The following ZMAT3 variants were observed in gnomAD, a reference collection of about 807,000 sequenced individuals.
ZMAT3 encodes the protein zinc finger matrin-type protein 3.
A neutral mutation model predicts 32.3 loss-of-function variants in ZMAT3; 17 were observed. That is an observed-to-expected ratio of 0.53 (90% CI 0.36 to 0.79). The LOEUF (loss-of-function observed/expected upper bound fraction) is 0.79, where lower values mean the gene tolerates loss of function less well. Among genes scored for constraint, ZMAT3 ranks in the 30% least tolerant of loss-of-function variants. The pLI is 0.00. For missense variants in ZMAT3, 329 were observed against 359.7 expected (o/e 0.91, Z 0.69); for synonymous variants, 120 against 133.1 (o/e 0.90, Z 0.68).
At chr3:179,029,484 G>A (rs1220017352) in intron 3 of ZMAT3, among the ~76,000 whole-genome samples, 3 of 151,170 alleles carry the variant, frequency 2.0e-5, no homozygotes, top group Non-Finnish European at 4.4e-5. Context: ...TTATTTTTTT[G>A]AGATAGTCTC....
At chr3:179,058,390 G>A (rs527515038) in intron 2 of ZMAT3, among the ~76,000 whole-genome samples, 18 of 152,318 alleles carry the variant, frequency 1.2e-4, no homozygotes, top group Non-Finnish European at 1.5e-4. Context: ...TATGCCACTC[G>A]AGGGGACCTT....
intron 5 of ZMAT3, among the ~76,000 whole-genome samples, chr3:179,026,762 T>G (rs1479400228): frequency 6.6e-6 from 1 of 152,178 alleles, no homozygotes; most frequent in Non-Finnish European, 1.5e-5. Context: ...TCTATTTGTT[T>G]CACTGTTCAA....
rs1035236991 is a variant in ZMAT3 at position 179,019,319 on chromosome 3, C to T, written c.*5698G>A. 2.6e-5 allele frequency: 4 copies of T among 151,860 alleles called. No individual in the cohort carries two copies. Among genetic ancestry groups the T allele is most frequent in the African/African-American group, 9.7e-5 (4 of 41,366 alleles). The allele number at this position is 151,860 out of a possible 1,614,324, so 9.4% of individuals were successfully genotyped here. A position where few individuals can be genotyped will look rare whatever the true frequency, so the allele number is the denominator to read the frequency against. On this transcript the variant is annotated 3_prime_UTR_variant, in exon 6 of 6. Coordinates refer to ENST00000311417, the MANE Select transcript of ZMAT3 (RefSeq NM_022470.4). The stretch of plus-strand genomic sequence containing the variant: ...GTTAATTGGCTCAGATTATCAACTT[C>T]ATACACCACTTTCAAAATAGATATT...
intron 5 of ZMAT3, among the ~76,000 whole-genome samples, chr3:179,025,949 C>T (rs1015308659): frequency 5.9e-5 from 9 of 152,116 alleles, no homozygotes; most frequent in East Asian, 3.8e-4. Context: ...ACGCTTAGTT[C>T]GTTAACTTTA....
At position 179,067,554 on chromosome 3, in the gene ZMAT3, A is replaced by ATAGC; in HGVS notation, c.195_198dup (p.Cys67AlafsTer3). Reference sequence around the variant, plus strand: ...CAGAGTTTGCAGTACAGGGGCTTACATAGCTCCTCCAGGGCACAGTCTTGC... The same window carrying ATAGC: ...CAGAGTTTGCAGTACAGGGGCTTACATAGCTAGCTCCTCCAGGGCACAGTCTTGC... On this transcript the variant is annotated frameshift_variant, in exon 2 of 6. Transcript: ENST00000311417. LOFTEE classifies it high-confidence loss of function. 1 of 1,614,184 alleles carries ATAGC rather than the reference A, an allele frequency of 6.2e-7. No individual in the cohort carries two copies. The highest frequency in any genetic ancestry group is 8.5e-7 in the Non-Finnish European group (1 of 1,180,032).
intron 2 of ZMAT3, among the ~76,000 whole-genome samples, chr3:179,040,128 G>A (rs564795980): frequency 2.0e-5 from 3 of 152,320 alleles, no homozygotes; most frequent in Admixed American, 1.3e-4. Context: ...AAAGTGATAG[G>A]GAGAATGGAA....
chr3:179,049,126 A>C (rs1369185036), intron 2 of ZMAT3, among the ~76,000 whole-genome samples: 1 of 152,238 alleles, frequency 6.6e-6, no homozygotes, highest in East Asian at 1.9e-4. Flanking sequence ...AAAACATCAC[A>C]ATCCTAAATA....
At chr3:179,045,350 T>C (rs1021137981) in intron 2 of ZMAT3, among the ~76,000 whole-genome samples, 5 of 152,162 alleles carry the variant, frequency 3.3e-5, no homozygotes, top group Non-Finnish European at 5.9e-5. Context: ...CTAGAAGTAT[T>C]GTTTGTAACA....
chr3:179,053,042 C>T (rs1349991142), intron 2 of ZMAT3, among the ~76,000 whole-genome samples: 4 of 151,986 alleles, frequency 2.6e-5, no homozygotes, highest in African/African-American at 9.7e-5. Context: ...GCAGGAGAAT[C>T]GCTTGAGCCC....
At chr3:179,043,876 A>C (rs956047091) in intron 2 of ZMAT3, among the ~76,000 whole-genome samples, 3 of 152,230 alleles carry the variant, frequency 2.0e-5, no homozygotes, top group African/African-American at 4.8e-5. Context: ...TTTACAAGAA[A>C]AAAACAAAGA....
intron 3 of ZMAT3, among the ~76,000 whole-genome samples, chr3:179,028,691 T>C (rs541119983): frequency 1.3e-5 from 2 of 152,238 alleles, no homozygotes; most frequent in Non-Finnish European, 2.9e-5. Context: ...AGCTTGAAGA[T>C]CTCTCTGGGT....
chr3:179,028,711 T>C (rs1719017756), intron 3 of ZMAT3, among the ~76,000 whole-genome samples: 1 of 152,236 alleles, frequency 6.6e-6, no homozygotes, highest in Admixed American at 6.5e-5. Flanking sequence ...TATCTTCTTG[T>C]TCTCTGATTT....
intron 2 of ZMAT3, among the ~76,000 whole-genome samples, chr3:179,034,675 A>G (rs770431677): frequency 6.6e-6 from 1 of 152,162 alleles, no homozygotes; most frequent in Non-Finnish European, 1.5e-5. Flanking sequence ...TCCAACTTAA[A>G]ACAACTTTTG....
chr3:179,031,343 A>G (rs1398412452), intron 2 of ZMAT3, among the ~76,000 whole-genome samples: 1 of 152,030 alleles, frequency 6.6e-6, no homozygotes, highest in African/African-American at 2.4e-5. Context: ...TGAAAACTGT[A>G]ATCACCATGA....
At chr3:179,026,464 G>C (rs535561763) in intron 5 of ZMAT3, among the ~76,000 whole-genome samples, 52 of 127,202 alleles carry the variant, frequency 4.1e-4, no homozygotes, top group African/African-American at 1.6e-3. Context: ...TCAGCTCACT[G>C]TAGCCTCCAC....
At chr3:179,059,310 GGATGGCTAGCCACC>G in intron 2 of ZMAT3, among the ~76,000 whole-genome samples, 1 of 152,128 alleles carries the variant, frequency 6.6e-6, no homozygotes. Context: ...CCTCCCCTCA[GGATGGCTAGCCACC>G]GAAGAAGGAA....
chr3:179,067,472 T>C lies in ZMAT3; in HGVS notation c.270+11A>G. The C allele has an allele frequency of 1.2e-6, 2 of 1,611,226 alleles. No homozygotes were observed. Among genetic ancestry groups the C allele is most frequent in the Non-Finnish European group, 1.7e-6 (2 of 1,177,630 alleles). On this transcript the variant is annotated intron_variant, in intron 2 of 5. Transcript: ENST00000311417. ...CCCTACTCAATGCCTGGTTTTCTTT[T>C]CTCCCTTTACCTGATAATGAGCCTG...
intron 2 of ZMAT3, among the ~76,000 whole-genome samples, chr3:179,040,978 A>T (rs1168924147): frequency 6.6e-6 from 1 of 152,178 alleles, no homozygotes; most frequent in Non-Finnish European, 1.5e-5. Context: ...ATCAAAAGAG[A>T]CAAAGAAGGG....
intron 2 of ZMAT3, among the ~76,000 whole-genome samples, chr3:179,060,426 G>A (rs1721096130): frequency 6.6e-6 from 1 of 151,868 alleles, no homozygotes; most frequent in African/African-American, 2.4e-5. Context: ...TGGACCATCT[G>A]AGGTCAGGAG....
Sources: allele counts gnomAD v4.1 joint callset (sites outside exome capture counted in the v4.1 genomes callset), GRCh38; gene constraint gnomAD v4.1.1; transcripts MANE v1.5; gene names NCBI Gene and HGNC (gene_info 2026-07-23, HGNC 2026-07-21).